ARHGAP32: variants seen among roughly 807,000 people sequenced by gnomAD.
ARHGAP32 encodes the protein Rho GTPase activating protein 32, also known as rho GTPase-activating protein 32.
Under a neutral mutation model 186.5 loss-of-function variants are expected in ARHGAP32, and 51 were observed. The observed-to-expected ratio is 0.27, with a 90% CI of 0.22 to 0.35. ARHGAP32 has a LOEUF of 0.35. ARHGAP32 is among the 10% of genes least tolerant of loss of function. The pLI is 1.00. For synonymous variants in ARHGAP32, 950 were observed against 964.3 expected, an observed-to-expected ratio of 0.99 and a Z score of 0.27; for missense variants, 2,186 against 2,623.5, an observed-to-expected ratio of 0.83 and a Z score of 3.64.
intron 5 of ARHGAP32, among the ~76,000 whole-genome samples, chr11:129,119,660 A>C (rs1942469868): frequency 6.6e-6 from 1 of 152,062 alleles, no homozygotes; most frequent in African/African-American, 2.4e-5. Context: ...AGGGAAATAA[A>C]ACAAAGAGAG....
In ARHGAP32 at chr11:129,055,474, C is replaced by A. The variant is rs1266351307; in HGVS notation, c.963+6806G>T. Among the ~76,000 whole-genome samples the A allele has an allele frequency of 2.0e-5, 3 of 152,162 alleles. No individual in the cohort carries two copies. In the East Asian group the frequency reaches 5.8e-4, roughly 29 times the overall value. The stretch of plus-strand genomic sequence containing the variant: ...TTGAAAACTTATGTCCACACAATAA[C>A]CTGCACATAGATGTTTATAGCAGTT... On this transcript the variant is annotated intron_variant, in intron 10 of 22. Coordinates refer to ENST00000682385, the MANE Select transcript of ARHGAP32 (RefSeq NM_001378024.1).
At chr11:129,120,359 T>C (rs965182974) in intron 5 of ARHGAP32, among the ~76,000 whole-genome samples, 3 of 152,006 alleles carry the variant, frequency 2.0e-5, no homozygotes, top group African/African-American at 7.2e-5. Context: ...GCTGCAATGA[T>C]TGAGGTGTTA....
intron 1 of ARHGAP32, among the ~76,000 whole-genome samples, chr11:129,248,212 CAAA>C (rs61454534): frequency 4.1e-5 from 5 of 122,004 alleles, no homozygotes; most frequent in Non-Finnish European, 1.7e-5. Context: ...TTGGCTGTCT[CAAA>C]AAAAAAAAAA....
intron 1 of ARHGAP32, among the ~76,000 whole-genome samples, chr11:129,249,299 A>T (rs985658263): frequency 2.6e-5 from 4 of 152,104 alleles, no homozygotes; most frequent in East Asian, 1.9e-4. Context: ...AGTATGTATT[A>T]AAAAAAGTAA....
intron 1 of ARHGAP32, among the ~76,000 whole-genome samples, chr11:129,234,907 A>G (rs1944908338): frequency 6.6e-6 from 1 of 152,170 alleles, no homozygotes; most frequent in Non-Finnish European, 1.5e-5. Flanking sequence ...CAGGCTTTTA[A>G]GTAGGACTTC....
intron 1 of ARHGAP32, among the ~76,000 whole-genome samples, chr11:129,182,435 A>C (rs1300717816): frequency 6.6e-6 from 1 of 152,038 alleles, no homozygotes; most frequent in Non-Finnish European, 1.5e-5. Context: ...CCAGGTCGTC[A>C]TATGTCCTTG....
intron 11 of ARHGAP32, among the ~76,000 whole-genome samples, chr11:129,010,665 C>T (rs1346211953): frequency 6.6e-6 from 1 of 152,158 alleles, no homozygotes; most frequent in African/African-American, 2.4e-5. Context: ...GCATAGCTCA[C>T]ATCTGATCAT....
In ARHGAP32 at chr11:128,970,132, G is replaced by T; in HGVS notation, c.5081C>A (p.Pro1694His). Reference sequence around the variant, plus strand: ...GTCTCGATTGGGAAGGCGGTGAAGGGGTCTCAACTGGACTGTGCCATAGGC... The same window carrying T: ...GTCTCGATTGGGAAGGCGGTGAAGGTGTCTCAACTGGACTGTGCCATAGGC... ...VDAYGTVQLR[P>H]LHRLPNRDFA... The change falls in exon 23 of 23, where the codon CCC (proline) becomes CAC (histidine). Residue 1694 changes from proline (P) to histidine (H), a missense_variant. Pro to His is a moderately conservative substitution (Grantham distance 77). Coordinates refer to ENST00000682385, the MANE Select transcript of ARHGAP32 (RefSeq NM_001378024.1). This position sits in a 1 kb window ranked among gnomAD's most constrained non-coding sequence, Gnocchi z 5.8. 1 of 1,614,156 alleles carries T rather than the reference G, an allele frequency of 6.2e-7. No individual in the cohort carries two copies. The highest frequency in any genetic ancestry group is 8.5e-7 in the Non-Finnish European group (1 of 1,180,026).
intron 5 of ARHGAP32, among the ~76,000 whole-genome samples, chr11:129,109,909 C>A (rs1942158400): frequency 6.6e-6 from 1 of 152,076 alleles, no homozygotes; most frequent in Non-Finnish European, 1.5e-5. Context: ...TTCAGAGACT[C>A]TGTCGATTGT....
intron 1 of ARHGAP32, among the ~76,000 whole-genome samples, chr11:129,172,265 T>C (rs1003253247): frequency 6.6e-6 from 1 of 152,214 alleles, no homozygotes; most frequent in Admixed American, 6.5e-5. Context: ...AAGTGAATGT[T>C]TCCATCTTTT....
intron 11 of ARHGAP32, among the ~76,000 whole-genome samples, chr11:129,011,380 A>G (rs1488491916): frequency 6.6e-6 from 1 of 152,336 alleles, no homozygotes; most frequent in Non-Finnish European, 1.5e-5. Context: ...AATGAAGGCA[A>G]CAAAGTAATA....
intron 11 of ARHGAP32, among the ~76,000 whole-genome samples, chr11:129,033,729 A>G (rs1328577442): frequency 6.6e-6 from 1 of 152,162 alleles, no homozygotes; most frequent in Admixed American, 6.5e-5. Flanking sequence ...CAGATTTGTA[A>G]TTCTCCTGGA....
chr11:129,032,608 T>C (rs905830974), intron 11 of ARHGAP32, among the ~76,000 whole-genome samples: 2 of 152,230 alleles, frequency 1.3e-5, no homozygotes, highest in African/African-American at 4.8e-5. Context: ...GGCTTCTACT[T>C]ACTTTGTGGT....
At position 129,064,839 on chromosome 11, in the gene ARHGAP32, AC is replaced by A. The variant is rs1384261626; in HGVS notation, c.762+1del. On this transcript the variant is annotated splice_donor_variant, in intron 8 of 22. Coordinates refer to ENST00000682385, the MANE Select transcript of ARHGAP32 (RefSeq NM_001378024.1). LOFTEE classifies it high-confidence loss of function. ...TTTCATGAAAAGTGAATTAGGAAAT[AC>A]CTCCATCCAGGTAAGGGCGGGCCCA... is the stretch of plus-strand genomic sequence containing the variant. 1 of 1,580,180 alleles carries A rather than the reference AC, an allele frequency of 6.3e-7. No individual in the cohort carries two copies.
intron 6 of ARHGAP32, among the ~76,000 whole-genome samples, chr11:129,079,275 C>G (rs962275426): frequency 2.0e-5 from 3 of 152,116 alleles, no homozygotes; most frequent in African/African-American, 7.2e-5. Flanking sequence ...GGAAATTCAT[C>G]GCAAAATGAT....
At chr11:129,003,032 G>A (rs924687600) in intron 11 of ARHGAP32, among the ~76,000 whole-genome samples, 6 of 152,068 alleles carry the variant, frequency 3.9e-5, no homozygotes, top group South Asian at 2.1e-4. Flanking sequence ...TCCTGACCTC[G>A]TGATCTGCCC....
At chr11:129,251,255 G>T (rs1945178858) in intron 1 of ARHGAP32, among the ~76,000 whole-genome samples, 1 of 152,102 alleles carries the variant, frequency 6.6e-6, no homozygotes, top group South Asian at 2.1e-4. Flanking sequence ...CTCTTTCAAT[G>T]AAATACGATG....
intron 10 of ARHGAP32, among the ~76,000 whole-genome samples, chr11:129,054,197 TG>T (rs1203615858): frequency 6.6e-6 from 1 of 151,314 alleles, no homozygotes; most frequent in East Asian, 1.9e-4. Flanking sequence ...CAAGAGAACA[TG>T]GGGTATATAA....
At chr11:129,088,994 TCAAAA>T (rs1264215933) in intron 6 of ARHGAP32, among the ~76,000 whole-genome samples, 1 of 65,584 alleles carries the variant, frequency 1.5e-5, no homozygotes, top group South Asian at 5.9e-4. Flanking sequence ...AGAGACCTTG[TCAAAA>T]AAAAAAAAAA....
Sources: gnomAD v4.1 joint callset for allele counts (sites outside exome capture counted in the v4.1 genomes callset) on GRCh38, gnomAD v4.1.1 for gene constraint, Gnocchi (gnomAD v3.1) non-coding constraint, MANE v1.5 for transcripts, NCBI Gene and HGNC (gene_info 2026-07-23, HGNC 2026-07-21) for gene names.